CDH11: variants seen among roughly 807,000 people sequenced by gnomAD.
CDH11 encodes cadherin-11.
In CDH11, 11 loss-of-function variants were observed where a neutral mutation model predicts 67.8. That is an observed-to-expected ratio of 0.16 (90% confidence interval 0.10 to 0.27). The LOEUF (loss-of-function observed/expected upper bound fraction) is 0.27, where lower values mean the gene tolerates loss of function less well. Among genes scored for constraint, CDH11 ranks in the 10% least tolerant of loss-of-function variants. The pLI is 1.00. For synonymous variants in CDH11, 419 were observed against 400.0 expected (o/e 1.05, Z -0.57); for missense variants, 847 against 1,031.2 (o/e 0.82, Z 2.45).
intron 2 of CDH11, among the ~76,000 whole-genome samples, chr16:65,012,208 T>A (rs1474068582): frequency 2.0e-5 from 3 of 152,252 alleles, no homozygotes. Flanking sequence ...TTTCAATACT[T>A]GCCTAGTCAA....
At chr16:65,035,610 T>C (rs1475622595) in intron 2 of CDH11, among the ~76,000 whole-genome samples, 1 of 152,202 alleles carries the variant, frequency 6.6e-6, no homozygotes, top group African/African-American at 2.4e-5. Flanking sequence ...TGTGCGTTCT[T>C]AATTTCCCAC....
chr16:64,984,808 T>C (rs1377074435), intron 7 of CDH11: 1 of 152,214 alleles, frequency 6.6e-6, no homozygotes, highest in Non-Finnish European at 1.5e-5. Context: ...ATGTTTATGA[T>C]GTGACATTAA....
At position 64,945,476 on chromosome 16, in the gene CDH11, A is replaced by G. The variant is rs113389507; in HGVS notation, c.*2127T>C. 3.1e-5 allele frequency: 32 copies of G among 1,034,816 alleles called. No individual in the cohort carries two copies. In the African/African-American group the frequency reaches 5.2e-4, roughly 17 times the overall value. 64.1% of individuals were successfully genotyped at this position (1,034,816 alleles called of 1,614,324 possible). A position where few individuals can be genotyped will look rare whatever the true frequency, so the allele number is the denominator to read the frequency against. Reference sequence around the variant, plus strand: ...TGGTGACAGGGTTACTTACAGCTGTATACTTATTTAAATGCTATTCATATT... The same window carrying G: ...TGGTGACAGGGTTACTTACAGCTGTGTACTTATTTAAATGCTATTCATATT... On this transcript the variant is annotated 3_prime_UTR_variant, in exon 13 of 13. Coordinates refer to ENST00000268603, the MANE Select transcript of CDH11 (RefSeq NM_001797.4).
chr16:64,991,525 T>A, intron 6 of CDH11: 3 of 448,030 alleles, frequency 6.7e-6, no homozygotes, highest in Non-Finnish European at 1.2e-5. Context: ...GCAAAAACGA[T>A]ATTTTGTTTC....
chr16:64,993,522 C>G (rs1414577654), intron 4 of CDH11, among the ~76,000 whole-genome samples: 2 of 152,180 alleles, frequency 1.3e-5, no homozygotes, highest in Admixed American at 6.5e-5. Flanking sequence ...AATAAAATTG[C>G]TGCTAATTCT....
At chr16:65,109,996 A>G (rs1225848949) in intron 1 of CDH11, among the ~76,000 whole-genome samples, 1 of 152,168 alleles carries the variant, frequency 6.6e-6, no homozygotes, top group Non-Finnish European at 1.5e-5. Flanking sequence ...ATATCTCCCG[A>G]GTAGCTGGGG....
At position 65,087,188 on chromosome 16, in the gene CDH11, G is replaced by A. The variant is rs186651041; in HGVS notation, c.-297-33260C>T. Among the ~76,000 whole-genome samples the A allele has an allele frequency of 2.0e-4, 31 of 152,244 alleles. No homozygotes were observed. The East Asian group carries it at 5.6e-3, about 28-fold the overall frequency. On this transcript the variant is annotated intron_variant, in intron 1 of 12. Transcript: ENST00000268603. ...CACAGGTATTGCTTCCTCCAACAATGACAGCAGCAGAGCCTGAGCAATTTC... is the reference window on the plus strand; with the variant it reads ...CACAGGTATTGCTTCCTCCAACAATAACAGCAGCAGAGCCTGAGCAATTTC...
chr16:65,084,970 C>T (rs759421342), intron 1 of CDH11, among the ~76,000 whole-genome samples: 2 of 152,132 alleles, frequency 1.3e-5, no homozygotes, highest in African/African-American at 2.4e-5. Context: ...AGTTCAGTGG[C>T]ACTACCTCAA....
Position 64,945,719 on chromosome 16 carries a change from G to A in CDH11, c.*1884C>T, listed in dbSNP as rs1444523052. 29 of 1,041,712 alleles carry A rather than the reference G, an allele frequency of 2.8e-5. No homozygotes were observed. Among genetic ancestry groups the A allele is most frequent in the Middle Eastern group, 4.3e-4 (1 of 2,310 alleles). The allele number at this position is 1,041,712 out of a possible 1,614,324, so 64.5% of individuals were successfully genotyped here. On this transcript the variant is annotated 3_prime_UTR_variant, in exon 13 of 13. Coordinates refer to ENST00000268603, the MANE Select transcript of CDH11 (RefSeq NM_001797.4). Reference sequence around the variant, plus strand: ...GTGTTCAGCCCAATTTGATTTCAATGCAAAGTAAAATGGAAGTGAGCACTT... The same window carrying A: ...GTGTTCAGCCCAATTTGATTTCAATACAAAGTAAAATGGAAGTGAGCACTT...
At chr16:65,106,383 T>C (rs1209078606) in intron 1 of CDH11, among the ~76,000 whole-genome samples, 1 of 152,198 alleles carries the variant, frequency 6.6e-6, no homozygotes, top group Non-Finnish European at 1.5e-5. Flanking sequence ...CTTAGTGGAC[T>C]GTGTCTCTTT....
At chr16:65,071,360 A>C (rs867659376) in intron 1 of CDH11, among the ~76,000 whole-genome samples, 3 of 148,202 alleles carry the variant, frequency 2.0e-5, no homozygotes, top group Middle Eastern at 3.4e-3. Context: ...ACACACATGC[A>C]TGTATAAATA....
At chr16:65,089,756 G>C (rs532799162) in intron 1 of CDH11, among the ~76,000 whole-genome samples, 79 of 152,174 alleles carry the variant, frequency 5.2e-4, no homozygotes, top group African/African-American at 1.9e-3. Context: ...ACACAAAACA[G>C]CATATAATTA....
At chr16:65,099,821 G>T (rs921502153) in intron 1 of CDH11, among the ~76,000 whole-genome samples, 2 of 152,090 alleles carry the variant, frequency 1.3e-5, no homozygotes, top group African/African-American at 4.8e-5. Flanking sequence ...CCAAGCAGGG[G>T]TAATATGAGC....
intron 1 of CDH11, among the ~76,000 whole-genome samples, chr16:65,065,237 C>T (rs895298240): frequency 1.6e-4 from 24 of 152,322 alleles, no homozygotes; most frequent in Non-Finnish European, 2.5e-4. Flanking sequence ...CCGGCCCACT[C>T]TCCACCTCAT....
intron 11 of CDH11, among the ~76,000 whole-genome samples, chr16:64,954,571 G>A (rs2071452425): frequency 6.6e-6 from 1 of 152,158 alleles, no homozygotes; most frequent in African/African-American, 2.4e-5. Context: ...ACATTACTGA[G>A]ATCCTCCAGG....
intron 7 of CDH11, chr16:64,986,244 T>A (rs908483312): frequency 1.3e-5 from 2 of 150,986 alleles, no homozygotes; most frequent in Non-Finnish European, 3.0e-5. Context: ...GAGCAAATGT[T>A]CTTTTACAAA....
At chr16:65,035,079 G>A (rs1041472361) in intron 2 of CDH11, among the ~76,000 whole-genome samples, 19 of 152,206 alleles carry the variant, frequency 1.2e-4, no homozygotes, top group Non-Finnish European at 2.6e-4. Context: ...GAGCTGCACG[G>A]GCAGTGACGT....
intron 11 of CDH11, among the ~76,000 whole-genome samples, chr16:64,955,478 C>T (rs2071483437): frequency 6.6e-6 from 1 of 151,890 alleles, no homozygotes; most frequent in Admixed American, 6.6e-5. Flanking sequence ...GTGGTTCACA[C>T]CTGTAATCTC....
intron 2 of CDH11, among the ~76,000 whole-genome samples, chr16:65,046,330 T>G (rs2073961826): frequency 6.6e-6 from 1 of 152,198 alleles, no homozygotes; most frequent in Admixed American, 6.5e-5. Flanking sequence ...CATGCTCACC[T>G]GCCCAAGAAG....
Sources: allele counts gnomAD v4.1 joint callset (sites outside exome capture counted in the v4.1 genomes callset), GRCh38; gene constraint gnomAD v4.1.1; transcripts MANE v1.5; gene names NCBI Gene and HGNC (gene_info 2026-07-23, HGNC 2026-07-21).